The following ZC3H12B variants were observed in gnomAD, a reference collection of about 807,000 sequenced individuals.
The protein encoded by ZC3H12B is probable ribonuclease ZC3H12B.
ZC3H12B carries 7 observed loss-of-function variants against 43.9 expected under a neutral mutation model. That is an observed-to-expected ratio of 0.16 (90% CI 0.09 to 0.30). The LOEUF is 0.30. Among genes scored for constraint, ZC3H12B ranks in the 10% least tolerant of loss-of-function variants. ZC3H12B has a pLI of 1.00. For missense variants in ZC3H12B, 475 were observed against 670.2 expected (o/e 0.71, Z 3.22); for synonymous variants, 222 against 241.7 (o/e 0.92, Z 0.76).
At chrX:65,094,260 C>CT in the ZC3H12B span, among the ~76,000 whole-genome samples, 11,750 of 96,459 alleles carry the variant, frequency 0.12, 793 homozygotes, top group Non-Finnish European at 0.18. Context: ...AATTAAGCCT[C>CT]TTTTTTTTTT....
intron 3 of ZC3H12B, among the ~76,000 whole-genome samples, chrX:65,411,482 C>T (rs1012546030): frequency 2.7e-5 from 3 of 111,374 alleles, no homozygotes; most frequent in African/African-American, 9.8e-5. Flanking sequence ...AATCACAGCA[C>T]TTTGGGAGGC....
At chrX:65,152,109 A>C in the ZC3H12B span, among the ~76,000 whole-genome samples, 1 of 111,476 alleles carries the variant, frequency 9.0e-6, no homozygotes, top group Non-Finnish European at 1.9e-5. Context: ...TCTATGACAA[A>C]CCCACAGCCA....
the ZC3H12B span, among the ~76,000 whole-genome samples, chrX:65,263,960 C>T: frequency 9.0e-6 from 1 of 111,232 alleles, no homozygotes; most frequent in Non-Finnish European, 1.9e-5. Context: ...TCTGTATAAA[C>T]CATGGAATAC....
chrX:65,064,274 C>G, the ZC3H12B span, among the ~76,000 whole-genome samples: 1 of 111,811 alleles, frequency 8.9e-6, no homozygotes, highest in Admixed American at 9.5e-5. Flanking sequence ...TTCCCAGTTT[C>G]TGATGTGGGT....
At chrX:65,212,411 T>A in the ZC3H12B span, among the ~76,000 whole-genome samples, 1 of 59,423 alleles carries the variant, frequency 1.7e-5, no homozygotes, top group Non-Finnish European at 2.7e-5. Flanking sequence ...TATATTTATA[T>A]TATATATGTA....
At chrX:65,248,938 T>C in the ZC3H12B span, among the ~76,000 whole-genome samples, 1 of 111,689 alleles carries the variant, frequency 9.0e-6, no homozygotes, top group Non-Finnish European at 1.9e-5. Context: ...TTTGTTTTGT[T>C]CTTGTTGATT....
chrX:65,212,703 A>G, the ZC3H12B span, among the ~76,000 whole-genome samples: 451 of 91,818 alleles, frequency 4.9e-3, 6 homozygotes, highest in African/African-American at 0.017. Flanking sequence ...AATATATATG[A>G]TTTATATATC....
chrX:65,273,343 G>T, the ZC3H12B span, among the ~76,000 whole-genome samples: 1 of 110,910 alleles, frequency 9.0e-6, no homozygotes, highest in Admixed American at 9.6e-5. Context: ...TTCAACAGTG[G>T]ACTAGATCAA....
the ZC3H12B span, among the ~76,000 whole-genome samples, chrX:65,057,986 A>G: frequency 7.2e-3 from 808 of 111,725 alleles, 7 homozygotes; most frequent in African/African-American, 0.025. Flanking sequence ...CCATTCGTCC[A>G]ATATTTTTTC....
the ZC3H12B span, among the ~76,000 whole-genome samples, chrX:65,119,930 C>T: frequency 2.3e-3 from 260 of 111,696 alleles, no homozygotes; most frequent in African/African-American, 8.0e-3. Flanking sequence ...TGGTTTTTGT[C>T]AGGTTTGTCA....
the ZC3H12B span, among the ~76,000 whole-genome samples, chrX:65,080,687 G>A: frequency 9.0e-6 from 1 of 111,212 alleles, no homozygotes; most frequent in African/African-American, 3.3e-5. Context: ...AAAAGCTAAG[G>A]GATTTAATCA....
the ZC3H12B span, among the ~76,000 whole-genome samples, chrX:65,084,894 G>T: frequency 8.9e-6 from 1 of 112,378 alleles, no homozygotes. Flanking sequence ...AAGAAAACAT[G>T]GTACTTAGAT....
chrX:65,229,477 A>G, the ZC3H12B span, among the ~76,000 whole-genome samples: 2 of 109,309 alleles, frequency 1.8e-5, no homozygotes, highest in Non-Finnish European at 3.8e-5. Flanking sequence ...GGCATGGGCA[A>G]GGACTTCATG....
At chrX:65,390,754 C>A (rs2066604186) in intron 2 of ZC3H12B, among the ~76,000 whole-genome samples, 1 of 109,824 alleles carries the variant, frequency 9.1e-6, no homozygotes, top group Non-Finnish European at 1.9e-5. Flanking sequence ...ACATTTCATT[C>A]AACAGCTGCA....
At chrX:65,286,978 A>G in the ZC3H12B span, among the ~76,000 whole-genome samples, 9 of 111,328 alleles carry the variant, frequency 8.1e-5, no homozygotes. Context: ...TCAATCAAGC[A>G]AGAGGATATA....
At chrX:65,333,230 G>T in the ZC3H12B span, among the ~76,000 whole-genome samples, 1 of 111,864 alleles carries the variant, frequency 8.9e-6, no homozygotes, top group South Asian at 3.7e-4. Flanking sequence ...GGCTCTATAA[G>T]TCAAGTATAA....
the ZC3H12B span, among the ~76,000 whole-genome samples, chrX:65,190,422 A>G: frequency 9.0e-6 from 1 of 111,208 alleles, no homozygotes; most frequent in African/African-American, 3.3e-5. Flanking sequence ...GATTCTTCTT[A>G]CCCATGAGCA....
chrX:65,323,597 G>A, the ZC3H12B span, among the ~76,000 whole-genome samples: 1 of 112,203 alleles, frequency 8.9e-6, no homozygotes, highest in African/African-American at 3.2e-5. Context: ...CTACCATTGA[G>A]GTGCATTTGG....
chrX:65,377,066 C>T (rs2066356252), intron 2 of ZC3H12B, among the ~76,000 whole-genome samples: 1 of 109,267 alleles, frequency 9.2e-6, no homozygotes, highest in Admixed American at 9.9e-5. Context: ...TAAAAAGATT[C>T]AAATAATTAA....
Sources: gnomAD v4.1 joint callset for allele counts (sites outside exome capture counted in the v4.1 genomes callset) on GRCh38, gnomAD v4.1.1 for gene constraint, MANE v1.5 for transcripts, NCBI Gene and HGNC (gene_info 2026-07-23, HGNC 2026-07-21) for gene names.